Variants in RPH3A observed in about 807,000 individuals in gnomAD.
RPH3A encodes the protein rabphilin-3A.
A neutral mutation model predicts 102.2 loss-of-function variants in RPH3A; 48 were observed. That is an observed-to-expected ratio of 0.47 (90% CI 0.37 to 0.60). RPH3A has a LOEUF of 0.60. Among genes scored for constraint, RPH3A ranks in the 20% least tolerant of loss-of-function variants. The pLI, the probability that RPH3A is intolerant of heterozygous loss-of-function variation, is 0.00. For synonymous variants in RPH3A, 310 were observed against 324.3 expected (o/e 0.96, Z 0.47); for missense variants, 781 against 910.1 (o/e 0.86, Z 1.83).
intron 1 of RPH3A, among the ~76,000 whole-genome samples, chr12:112,645,066 T>C (rs569668847): frequency 1.0e-3 from 154 of 152,328 alleles, no homozygotes; most frequent in Non-Finnish European, 1.9e-3. Context: ...TTGAGTATTG[T>C]TCAGATATAA....
chr12:112,744,664 C>T (rs149464104), intron 1 of RPH3A, among the ~76,000 whole-genome samples: 82 of 152,152 alleles, frequency 5.4e-4, no homozygotes, highest in African/African-American at 1.9e-3. Flanking sequence ...TAAAGAAAGG[C>T]ACTATTAGCC....
At chr12:112,607,974 C>T (rs1319442351) in intron 1 of RPH3A, among the ~76,000 whole-genome samples, 1 of 152,164 alleles carries the variant, frequency 6.6e-6, no homozygotes, top group Non-Finnish European at 1.5e-5. Flanking sequence ...AGCCTAGTAC[C>T]TGGTCTTAAC....
intron 1 of RPH3A, among the ~76,000 whole-genome samples, chr12:112,598,574 C>G (rs777992565): frequency 1.3e-5 from 2 of 152,088 alleles, no homozygotes; most frequent in African/African-American, 4.8e-5. Flanking sequence ...AATTGAATTC[C>G]TTAGACTGTA....
rs114401782 is a variant in RPH3A at position 112,842,752 on chromosome 12, G to A, written c.84-4944G>A. Among the ~76,000 whole-genome samples, 612 of 152,308 alleles carry A rather than the reference G, an allele frequency of 4.0e-3. 7 individuals are homozygous for A. The highest frequency in any genetic ancestry group is 0.014 in the African/African-American group (580 of 41,570). ...CAATTCATCCCTCACTAAAAAGTTA[G>A]GGCATCCTGGTAGATTAAGAGGATG... On this transcript the variant is annotated intron_variant, in intron 4 of 21. Coordinates refer to ENST00000389385, the MANE Select transcript of RPH3A (RefSeq NM_001143854.2).
intron 2 of RPH3A, among the ~76,000 whole-genome samples, chr12:112,800,459 C>T: frequency 6.6e-6 from 1 of 152,060 alleles, no homozygotes; most frequent in East Asian, 1.9e-4. Context: ...ACAGGACCTC[C>T]CAGGGTAGCC....
intron 1 of RPH3A, among the ~76,000 whole-genome samples, chr12:112,647,840 G>A (rs1350754933): frequency 6.6e-6 from 1 of 152,184 alleles, no homozygotes; most frequent in East Asian, 1.9e-4. Flanking sequence ...GAGTAAGTGG[G>A]AAAAAGCTTA....
At chr12:112,718,048 A>G (rs1439030155) in intron 1 of RPH3A, 1 of 152,176 alleles carries the variant, frequency 6.6e-6, no homozygotes, top group African/African-American at 2.4e-5. Flanking sequence ...TTAGATTCTC[A>G]CTATCAAATT....
chr12:112,667,662 AAGAGAG>A (rs71086114), intron 1 of RPH3A, among the ~76,000 whole-genome samples: 4,529 of 72,644 alleles, frequency 0.062, 312 homozygotes, highest in East Asian at 0.2. Flanking sequence ...GAGATGAATA[AAGAGAG>A]AGAGAGAGAG....
intron 1 of RPH3A, among the ~76,000 whole-genome samples, chr12:112,739,671 T>G (rs2040694465): frequency 6.6e-6 from 1 of 152,222 alleles, no homozygotes; most frequent in Non-Finnish European, 1.5e-5. Context: ...GTCCTGGTCT[T>G]GGCCTTATTT....
intron 1 of RPH3A, among the ~76,000 whole-genome samples, chr12:112,781,210 C>CAA (rs2041004980): frequency 6.6e-6 from 1 of 151,510 alleles, no homozygotes; most frequent in Non-Finnish European, 1.5e-5. Context: ...ACAACAACAA[C>CAA]AACAAAACAA....
At chr12:112,652,536 G>A (rs2039981955) in intron 1 of RPH3A, among the ~76,000 whole-genome samples, 1 of 152,178 alleles carries the variant, frequency 6.6e-6, no homozygotes. Context: ...GGGCCAGTGT[G>A]GATGAGGACT....
At chr12:112,580,805 A>G (rs1001558097) in intron 1 of RPH3A, among the ~76,000 whole-genome samples, 4 of 152,136 alleles carry the variant, frequency 2.6e-5, no homozygotes, top group African/African-American at 9.7e-5. Context: ...TCTTTTTATG[A>G]ACCAATTTGT....
At chr12:112,784,031 T>C (rs2041027097) in intron 1 of RPH3A, among the ~76,000 whole-genome samples, 1 of 152,220 alleles carries the variant, frequency 6.6e-6, no homozygotes, top group African/African-American at 2.4e-5. Context: ...TCTCTCTCTC[T>C]TGACTTCCCC....
chr12:112,649,421 G>A (rs1343399891), intron 1 of RPH3A: 1 of 152,204 alleles, frequency 6.6e-6, no homozygotes, highest in Non-Finnish European at 1.5e-5. Context: ...TAGGTCATCA[G>A]TTGGGTCAAA....
intron 5 of RPH3A, among the ~76,000 whole-genome samples, chr12:112,857,208 T>C (rs1275246269): frequency 6.6e-6 from 1 of 152,186 alleles, no homozygotes; most frequent in Non-Finnish European, 1.5e-5. Context: ...GGAATTGTTC[T>C]GCAGAGGAGA....
At chr12:112,740,549 A>G (rs1055286697) in intron 1 of RPH3A, among the ~76,000 whole-genome samples, 2 of 152,192 alleles carry the variant, frequency 1.3e-5, no homozygotes, top group African/African-American at 4.8e-5. Flanking sequence ...AGCCAAGTGG[A>G]TGCAGAGAAA....
chr12:112,643,534 G>A (rs547093219), intron 1 of RPH3A, among the ~76,000 whole-genome samples: 65 of 152,340 alleles, frequency 4.3e-4, no homozygotes, highest in African/African-American at 1.5e-3. Context: ...GAAATAAAGA[G>A]AAGACATAGT....
At chr12:112,709,375 C>T (rs1277459436) in intron 1 of RPH3A, among the ~76,000 whole-genome samples, 1 of 151,920 alleles carries the variant, frequency 6.6e-6, no homozygotes, top group Admixed American at 6.6e-5. Flanking sequence ...CAAAGTGAGA[C>T]CCTGTCTCTA....
At chr12:112,692,023 G>A (rs955740750) in intron 1 of RPH3A, among the ~76,000 whole-genome samples, 1 of 152,214 alleles carries the variant, frequency 6.6e-6, no homozygotes, top group Non-Finnish European at 1.5e-5. Context: ...GTCATTTGAA[G>A]TGAAATGGAT....
Sources: gnomAD v4.1 joint callset for allele counts (sites outside exome capture counted in the v4.1 genomes callset) on GRCh38, gnomAD v4.1.1 for gene constraint, MANE v1.5 for transcripts, NCBI Gene and HGNC (gene_info 2026-07-23, HGNC 2026-07-21) for gene names.